The following SKAP1 variants were observed in gnomAD, a reference collection of about 807,000 sequenced individuals.
SKAP1 encodes the protein src kinase associated phosphoprotein 1.
In SKAP1, 44 loss-of-function variants were observed where a neutral mutation model predicts 58.5. The observed-to-expected ratio is 0.75, with a 90% CI of 0.59 to 0.97. The LOEUF (loss-of-function observed/expected upper bound fraction) is 0.97. SKAP1 is among the 50% of genes least tolerant of loss of function. The pLI is 0.00. For synonymous variants in SKAP1, 127 were observed against 149.7 expected (o/e 0.85, Z 1.11); for missense variants, 390 against 435.2 (o/e 0.90, Z 0.92).
intron 3 of SKAP1, among the ~76,000 whole-genome samples, chr17:48,358,856 G>A (rs2066905650): frequency 6.6e-6 from 1 of 152,062 alleles, no homozygotes; most frequent in African/African-American, 2.4e-5. Flanking sequence ...TTATACATGA[G>A]GAAACTGAAG....
At chr17:48,380,438 C>G (rs956711441) in intron 2 of SKAP1, 10 of 151,618 alleles carry the variant, frequency 6.6e-5, no homozygotes, top group African/African-American at 2.4e-4. Flanking sequence ...ACCTCAAAAA[C>G]AAAAAACAAA....
At chr17:48,378,651 AC>A (rs1357773859) in intron 2 of SKAP1, among the ~76,000 whole-genome samples, 7 of 151,704 alleles carry the variant, frequency 4.6e-5, no homozygotes, top group Non-Finnish European at 1.0e-4. Flanking sequence ...CTCCTAGCGG[AC>A]CCTCCATGAT....
At chr17:48,235,580 A>G (rs780065745) in intron 4 of SKAP1, among the ~76,000 whole-genome samples, 20 of 152,236 alleles carry the variant, frequency 1.3e-4, no homozygotes, top group Non-Finnish European at 2.6e-4. Context: ...GGACAATAGA[A>G]GAATATCCAA....
intron 2 of SKAP1, among the ~76,000 whole-genome samples, chr17:48,369,961 AC>A (rs1336269590): frequency 5.3e-5 from 8 of 152,214 alleles, no homozygotes; most frequent in African/African-American, 1.9e-4. Flanking sequence ...GACTCAGTCA[AC>A]CAATTCAATA....
At chr17:48,205,062 T>A (rs202190735) in intron 4 of SKAP1, among the ~76,000 whole-genome samples, 1 of 111,476 alleles carries the variant, frequency 9.0e-6, no homozygotes, top group Admixed American at 1.1e-4. Context: ...TCTTTCTTCT[T>A]TCTCTCTCTC....
Position 48,430,116 on chromosome 17 carries a change from T to C in SKAP1, c.5A>G (p.Gln2Arg), listed in dbSNP as rs1351608116. 2.4e-6 allele frequency: 3 copies of C among 1,261,540 alleles called. No individual in the cohort carries two copies. Among genetic ancestry groups the C allele is most frequent in the South Asian group, 7.7e-5 (2 of 25,826 alleles). The allele number at this position is 1,261,540 out of a possible 1,614,324, so 78.1% of individuals were successfully genotyped here. Residue 2 changes from glutamine (Q) to arginine (R), a missense_variant, in exon 1 of 13, where the codon CAG becomes CGG. Coordinates refer to ENST00000336915, the MANE Select transcript of SKAP1 (RefSeq NM_003726.4). ...GATCTCCTCAGGGAGGGCGGCGGCC[T>C]GCATTTGGCTGGGCGGGAGAGAGGC... M[Q>R]AAALPEEIRW...
intron 4 of SKAP1, among the ~76,000 whole-genome samples, chr17:48,334,721 C>A (rs1480062870): frequency 6.6e-6 from 1 of 151,740 alleles, no homozygotes. Context: ...AAAATACATA[C>A]AAATTAGATC....
At chr17:48,421,247 C>T (rs968024782) in intron 1 of SKAP1, among the ~76,000 whole-genome samples, 3 of 149,850 alleles carry the variant, frequency 2.0e-5, no homozygotes, top group African/African-American at 7.4e-5. Flanking sequence ...TTTTTAAAAA[C>T]TGGGAATTAA....
chr17:48,171,093 G>GTTTTTTTTTTTTTTT (rs71141969), intron 9 of SKAP1, among the ~76,000 whole-genome samples: 3 of 70,242 alleles, frequency 4.3e-5, no homozygotes, highest in African/African-American at 5.9e-5. Context: ...AATTACTGTT[G>GTTTTTTTTTTTTTTT]TTTTTTTTTT....
intron 4 of SKAP1, among the ~76,000 whole-genome samples, chr17:48,311,422 TA>T (rs11301625): frequency 0.092 from 14,066 of 152,180 alleles, 999 homozygotes; most frequent in African/African-American, 0.17. Flanking sequence ...ATTTTTTGTA[TA>T]AAAATTAGCC....
chr17:48,168,440 T>C (rs1034838382), intron 10 of SKAP1, among the ~76,000 whole-genome samples: 3 of 152,178 alleles, frequency 2.0e-5, no homozygotes, highest in African/African-American at 7.2e-5. Context: ...TCGGATCCCC[T>C]GAGGTCAGGA....
At chr17:48,185,983 G>C (rs1567810972) in intron 6 of SKAP1, 1 of 151,946 alleles carries the variant, frequency 6.6e-6, no homozygotes, top group Non-Finnish European at 1.5e-5. Flanking sequence ...AAGCTTCCGA[G>C]TCTCTTGCTC....
At chr17:48,201,209 T>G (rs1160780782) in intron 4 of SKAP1, among the ~76,000 whole-genome samples, 1 of 152,110 alleles carries the variant, frequency 6.6e-6, no homozygotes, top group Non-Finnish European at 1.5e-5. Flanking sequence ...GAGAAAAAAT[T>G]AGAATAAAAT....
chr17:48,254,635 A>G (rs898917842), intron 4 of SKAP1, among the ~76,000 whole-genome samples: 1 of 150,734 alleles, frequency 6.6e-6, no homozygotes, highest in Non-Finnish European at 1.5e-5. Context: ...ATGGAATATT[A>G]ATTCATTCTG....
chr17:48,424,887 A>C (rs2067838213), intron 1 of SKAP1, among the ~76,000 whole-genome samples: 1 of 146,826 alleles, frequency 6.8e-6, no homozygotes, highest in African/African-American at 2.5e-5. Flanking sequence ...AGCTGAGATC[A>C]CTCCACTGTA....
the SKAP1 span, among the ~76,000 whole-genome samples, chr17:48,443,186 G>C: frequency 3.9e-3 from 590 of 152,228 alleles, 2 homozygotes; most frequent in African/African-American, 0.014. Context: ...CCCCAGACTG[G>C]GTTATATTTC....
chr17:48,404,070 C>G (rs1371638311), intron 1 of SKAP1, among the ~76,000 whole-genome samples: 1 of 124,598 alleles, frequency 8.0e-6, no homozygotes, highest in African/African-American at 3.1e-5. Context: ...GCCTGGGAGA[C>G]AGAGTGAGAC....
intron 4 of SKAP1, among the ~76,000 whole-genome samples, chr17:48,271,589 T>C (rs1219493680): frequency 2.6e-5 from 4 of 152,092 alleles, no homozygotes; most frequent in South Asian, 2.1e-4. Flanking sequence ...CCTGAACTAC[T>C]GGCCTCAAGC....
intron 4 of SKAP1, among the ~76,000 whole-genome samples, chr17:48,268,648 T>A (rs923608427): frequency 1.3e-5 from 2 of 151,984 alleles, no homozygotes; most frequent in African/African-American, 2.4e-5. Flanking sequence ...GGTGCCACCA[T>A]ACCCAGCTAA....
Sources: allele counts gnomAD v4.1 joint callset (sites outside exome capture counted in the v4.1 genomes callset), GRCh38; gene constraint gnomAD v4.1.1; transcripts MANE v1.5; gene names NCBI Gene and HGNC (gene_info 2026-07-23, HGNC 2026-07-21).